Variants in CNTNAP4 observed in about 807,000 individuals in gnomAD.
The protein encoded by CNTNAP4 is contactin associated protein family member 4.
CNTNAP4 carries 98 observed loss-of-function variants against 148.4 expected under a neutral mutation model. The observed-to-expected ratio is 0.66, with a 90% CI of 0.56 to 0.78. The LOEUF is 0.78. Among genes scored for constraint, CNTNAP4 ranks in the 30% least tolerant of loss-of-function variants. CNTNAP4 has a pLI of 0.00. For missense variants in CNTNAP4, 1,935 were observed against 1,565.6 expected (o/e 1.24, Z -3.98); for synonymous variants, 730 against 565.1 (o/e 1.29, Z -4.14).
At chr16:76,520,926 G>A (rs1428783405) in intron 15 of CNTNAP4, among the ~76,000 whole-genome samples, 4 of 151,616 alleles carry the variant, frequency 2.6e-5, no homozygotes, top group African/African-American at 4.8e-5. Flanking sequence ...ACTCTCTATT[G>A]GAAAAAATCC....
intron 8 of CNTNAP4, among the ~76,000 whole-genome samples, chr16:76,458,027 T>A (rs768064234): frequency 7.2e-5 from 11 of 152,172 alleles, no homozygotes; most frequent in Non-Finnish European, 1.6e-4. Flanking sequence ...AGCTCCCACT[T>A]ACAAGTGAGA....
At chr16:76,388,569 C>G (rs1486710567) in intron 3 of CNTNAP4, among the ~76,000 whole-genome samples, 1 of 152,142 alleles carries the variant, frequency 6.6e-6, no homozygotes, top group Non-Finnish European at 1.5e-5. Flanking sequence ...AAAACTTAAG[C>G]TATCTAAAAG....
rs936437023 is a variant in CNTNAP4, at chr16:76,559,531, A to T, written c.*848A>T. Among the ~76,000 whole-genome samples the T allele has an allele frequency of 6.6e-6, 1 of 152,214 alleles. No individual in the cohort carries two copies. Among genetic ancestry groups the T allele is most frequent in the Non-Finnish European group, 1.5e-5 (1 of 68,040 alleles). On this transcript the variant is annotated 3_prime_UTR_variant, in exon 24 of 24. Transcript: ENST00000611870. Reference sequence around the variant, plus strand: ...ACTAAACTGTTGATATATTAAAAAAAATTCTTAACACAGCAAAAAATTATT... The same window carrying T: ...ACTAAACTGTTGATATATTAAAAAATATTCTTAACACAGCAAAAAATTATT...
chr16:76,476,023 C>A lies in CNTNAP4; in HGVS notation c.1740C>A (p.Tyr580Ter). 6.2e-7 allele frequency: 1 copy of A among 1,613,102 alleles called. No individual in the cohort carries two copies. The highest frequency in any genetic ancestry group is 8.5e-7 in the Non-Finnish European group (1 of 1,179,078). Residue 580 changes from tyrosine to a stop codon, truncating the protein, a stop_gained, in exon 11 of 24, where the codon TAC becomes TAA. Coordinates refer to ENST00000611870, the MANE Select transcript of CNTNAP4 (RefSeq NM_033401.5). LOFTEE classifies it high-confidence loss of function. ...TFHCNCTNTGYRGATCHNSIY... is the reference protein window; with the variant it reads ...TFHCNCTNTG ...ATTGTAACTGTACCAACACTGGTTA[C>A]AGAGGAGCTACTTGCCATAACTGTA...
At chr16:76,287,708 G>A (rs1597083490) in intron 1 of CNTNAP4, 2 of 152,228 alleles carry the variant, frequency 1.3e-5, no homozygotes, top group Non-Finnish European at 2.9e-5. Context: ...GGCTGGTAAG[G>A]CAGCTGTTCC....
chr16:76,496,974 A>T (rs561748381), intron 14 of CNTNAP4, among the ~76,000 whole-genome samples: 16 of 152,330 alleles, frequency 1.1e-4, no homozygotes, highest in African/African-American at 3.8e-4. Context: ...TAGATAAGTG[A>T]GAACTGTAAT....
intron 12 of CNTNAP4, among the ~76,000 whole-genome samples, chr16:76,487,691 C>T (rs981202098): frequency 3.9e-5 from 6 of 152,066 alleles, no homozygotes; most frequent in African/African-American, 9.7e-5. Context: ...ATAAGTGTGG[C>T]GTCTGTTTAA....
intron 3 of CNTNAP4, among the ~76,000 whole-genome samples, chr16:76,389,547 G>A (rs529386470): frequency 8.8e-4 from 134 of 152,216 alleles, no homozygotes; most frequent in African/African-American, 3.0e-3. Context: ...TCCTCATCCC[G>A]AGTTCAAGCA....
chr16:76,357,605 A>C (rs568839245), intron 3 of CNTNAP4, among the ~76,000 whole-genome samples: 10 of 152,192 alleles, frequency 6.6e-5, no homozygotes, highest in Non-Finnish European at 1.3e-4. Context: ...TAAATACTGT[A>C]CCTTGCGATC....
chr16:76,401,757 G>T (rs2078425979), intron 3 of CNTNAP4, among the ~76,000 whole-genome samples: 1 of 152,162 alleles, frequency 6.6e-6, no homozygotes, highest in Non-Finnish European at 1.5e-5. Flanking sequence ...TTGAAAGGAT[G>T]TTGAATTTTA....
At chr16:76,465,204 T>C (rs1247221885) in intron 9 of CNTNAP4, among the ~76,000 whole-genome samples, 1 of 152,232 alleles carries the variant, frequency 6.6e-6, no homozygotes, top group Non-Finnish European at 1.5e-5. Context: ...CATCCATTAA[T>C]TCAGCACTAA....
chr16:76,368,137 G>A (rs934483460), intron 3 of CNTNAP4, among the ~76,000 whole-genome samples: 3 of 152,124 alleles, frequency 2.0e-5, no homozygotes, highest in African/African-American at 7.2e-5. Flanking sequence ...CATACCAGCA[G>A]GATATCCATT....
intron 3 of CNTNAP4, among the ~76,000 whole-genome samples, chr16:76,405,357 C>T (rs1160661774): frequency 6.6e-6 from 1 of 152,136 alleles, no homozygotes; most frequent in Non-Finnish European, 1.5e-5. Flanking sequence ...TCCAAATCAT[C>T]AATTTCTAAA....
chr16:76,383,257 A>C (rs950238727), intron 3 of CNTNAP4, among the ~76,000 whole-genome samples: 13 of 152,272 alleles, frequency 8.5e-5, no homozygotes, highest in Middle Eastern at 3.4e-3. Context: ...CAATGAAATA[A>C]TGTACCTAGA....
At chr16:76,527,631 T>C (rs1232237532) in intron 17 of CNTNAP4, among the ~76,000 whole-genome samples, 1 of 152,220 alleles carries the variant, frequency 6.6e-6, no homozygotes, top group Non-Finnish European at 1.5e-5. Context: ...CAGAGACTGA[T>C]GGTAATAATA....
chr16:76,454,031 C>G (rs530945777), intron 8 of CNTNAP4, among the ~76,000 whole-genome samples: 1 of 151,954 alleles, frequency 6.6e-6, no homozygotes, highest in African/African-American at 2.4e-5. Context: ...TATATTCATA[C>G]CCTAATTTTC....
At chr16:76,533,677 T>TAA (rs35605025) in intron 17 of CNTNAP4, among the ~76,000 whole-genome samples, 276 of 150,346 alleles carry the variant, frequency 1.8e-3, no homozygotes, top group African/African-American at 4.4e-3. Flanking sequence ...TTAAAAATCT[T>TAA]AAAAAAAAAA....
At chr16:76,531,808 C>T (rs758483386) in intron 17 of CNTNAP4, among the ~76,000 whole-genome samples, 3 of 152,182 alleles carry the variant, frequency 2.0e-5, no homozygotes, top group Admixed American at 6.5e-5. Flanking sequence ...TATGACACAA[C>T]GGTTTGTGTC....
chr16:76,515,840 T>C (rs781338657), intron 15 of CNTNAP4, among the ~76,000 whole-genome samples: 15 of 152,152 alleles, frequency 9.9e-5, no homozygotes, highest in Non-Finnish European at 2.1e-4. Flanking sequence ...CTGGTCAGTA[T>C]ATTGAGAAAT....
Sources: gnomAD v4.1 joint callset for allele counts (sites outside exome capture counted in the v4.1 genomes callset) on GRCh38, gnomAD v4.1.1 for gene constraint, MANE v1.5 for transcripts, NCBI Gene and HGNC (gene_info 2026-07-23, HGNC 2026-07-21) for gene names.